Variants in PCCA observed in about 807,000 individuals in gnomAD.
The protein encoded by PCCA is propionyl-CoA carboxylase subunit alpha, also known as propionyl-CoA carboxylase alpha chain, mitochondrial.
A neutral mutation model predicts 101.3 loss-of-function variants in PCCA; 74 were observed. The observed-to-expected ratio is 0.73, with a 90% confidence interval of 0.61 to 0.89. The LOEUF (loss-of-function observed/expected upper bound fraction) is 0.89. Among genes scored for constraint, PCCA ranks in the 40% least tolerant of loss-of-function variants. The pLI is 0.00. For synonymous variants in PCCA, 294 were observed against 313.6 expected (o/e 0.94, Z 0.66); for missense variants, 891 against 907.0 (o/e 0.98, Z 0.23).
intron 11 of PCCA, 131 bp downstream of exon 11, chr13:100,268,914 A>G (rs575801606): frequency 3.5e-5 from 26 of 744,062 alleles, no homozygotes; most frequent in South Asian, 1.3e-4. Flanking sequence ...CAGTGGTGCA[A>G]TCACGGCTCA....
Position 100,361,765 on chromosome 13 carries a change from A to G in PCCA, c.1644-6707A>G, listed in dbSNP as rs2074629647. ...AGACTGACAATGCCAAATGGTGGCAAGGATGTAGAGTAACTCATTGCAGTG... is the reference window on the plus strand; with the variant it reads ...AGACTGACAATGCCAAATGGTGGCAGGGATGTAGAGTAACTCATTGCAGTG... On this transcript the variant is annotated intron_variant, in intron 18 of 23. Coordinates refer to ENST00000376285, the MANE Select transcript of PCCA (RefSeq NM_000282.4). Among the ~76,000 whole-genome samples, 7 of 152,326 alleles carry G rather than the reference A, an allele frequency of 4.6e-5. No individual in the cohort carries two copies. In the South Asian group the frequency reaches 1.5e-3, roughly 32 times the overall value.
In PCCA at chr13:100,372,963, C is replaced by T. The variant is rs372935958; in HGVS notation, c.1746+4389C>T. Among the ~76,000 whole-genome samples the T allele has an allele frequency of 2.2e-3, 331 of 152,184 alleles. 1 individual carries two copies. Among genetic ancestry groups the T allele is most frequent in the African/African-American group, 7.3e-3 (305 of 41,502 alleles). ...TTCACCATGTTGGCCAGGCTGGTCT[C>T]GAACTCCTGACTTCAGGTGATCCAC... On this transcript the variant is annotated intron_variant, in intron 19 of 23. Coordinates refer to ENST00000376285, the MANE Select transcript of PCCA (RefSeq NM_000282.4).
At chr13:100,384,275 T>G (rs1021841560) in intron 19 of PCCA, among the ~76,000 whole-genome samples, 5 of 152,192 alleles carry the variant, frequency 3.3e-5, no homozygotes, top group African/African-American at 1.2e-4. Context: ...ATCTGCCCGC[T>G]TCAGCCTCCC....
chr13:100,248,967 T>C (rs1318865859), intron 8 of PCCA, among the ~76,000 whole-genome samples: 1 of 152,108 alleles, frequency 6.6e-6, no homozygotes, highest in African/African-American at 2.4e-5. Context: ...TTGGCCAGGC[T>C]GGTCTCGAAC....
At chr13:100,470,094 C>T (rs1052309771) in intron 21 of PCCA, among the ~76,000 whole-genome samples, 4 of 152,186 alleles carry the variant, frequency 2.6e-5, no homozygotes, top group Non-Finnish European at 5.9e-5. Context: ...GTTTCCACCT[C>T]TCAGTGGCCC....
intron 6 of PCCA, among the ~76,000 whole-genome samples, chr13:100,191,771 TC>T (rs2057760939): frequency 6.6e-6 from 1 of 152,222 alleles, no homozygotes; most frequent in Non-Finnish European, 1.5e-5. Context: ...CCCAAGGAAG[TC>T]ACGCTGGCTG....
chr13:100,271,341 C>T lies in PCCA; in HGVS notation c.915-1855C>T, dbSNP rs544222426. Among the ~76,000 whole-genome samples the T allele has an allele frequency of 6.8e-4, 103 of 151,944 alleles. 1 individual carries two copies. The highest frequency in any genetic ancestry group is 2.3e-3 in the African/African-American group (95 of 41,448). On this transcript the variant is annotated intron_variant, in intron 11 of 23. Transcript: ENST00000376285. ...ACCCATTGATTTATTGTAACTTCAC[C>T]AAAAGGGAGACAGTAGGAAGTACAC...
chr13:100,181,770 CTTTTTTTTTTT>C (rs11329867), intron 6 of PCCA, among the ~76,000 whole-genome samples: 1 of 130,454 alleles, frequency 7.7e-6, no homozygotes, highest in East Asian at 2.2e-4. Context: ...TTCTTTTTTT[CTTTTTTTTTTT>C]TTGAGATGGA....
chr13:100,309,383 C>A (rs758823792), intron 15 of PCCA, among the ~76,000 whole-genome samples: 1 of 152,106 alleles, frequency 6.6e-6, no homozygotes, highest in East Asian at 1.9e-4. Context: ...GGCAATAGAG[C>A]GAGACTCCAT....
intron 4 of PCCA, among the ~76,000 whole-genome samples, chr13:100,118,860 T>C (rs767422438): frequency 3.4e-5 from 5 of 147,506 alleles, no homozygotes; most frequent in Non-Finnish European, 1.5e-5. Context: ...AGTAATGTTA[T>C]TTTTTTTAAT....
intron 19 of PCCA, among the ~76,000 whole-genome samples, chr13:100,376,780 C>T (rs1250254641): frequency 6.6e-6 from 1 of 152,170 alleles, no homozygotes; most frequent in Non-Finnish European, 1.5e-5. Context: ...CCACTTGGCT[C>T]CTTGGCTTCA....
At chr13:100,333,082 C>A (rs1338356173) in intron 17 of PCCA, among the ~76,000 whole-genome samples, 1 of 152,178 alleles carries the variant, frequency 6.6e-6, no homozygotes, top group African/African-American at 2.4e-5. Context: ...GAAACACACT[C>A]CTATATTTGC....
At chr13:100,111,966 A>G (rs368824363) in intron 3 of PCCA, 27 bp from the exon 4 acceptor site, 1 of 1,573,998 alleles carries the variant, frequency 6.4e-7, no homozygotes, top group Non-Finnish European at 8.7e-7. Context: ...AATCACTATT[A>G]ATAGACATTA....
chr13:100,414,200 C>G (rs2078218459), intron 19 of PCCA, among the ~76,000 whole-genome samples: 1 of 151,976 alleles, frequency 6.6e-6, no homozygotes, highest in African/African-American at 2.4e-5. Flanking sequence ...ATGTGTAATT[C>G]CTCTTGATGT....
chr13:100,176,923 C>G (rs2056293678), intron 6 of PCCA, among the ~76,000 whole-genome samples: 1 of 152,114 alleles, frequency 6.6e-6, no homozygotes, highest in South Asian at 2.1e-4. Context: ...TAGATGACTA[C>G]TTGAAACTGT....
chr13:100,502,999 T>C (rs1221157582), intron 21 of PCCA, among the ~76,000 whole-genome samples: 1 of 152,182 alleles, frequency 6.6e-6, no homozygotes, highest in Non-Finnish European at 1.5e-5. Context: ...CTGGACCTTC[T>C]GATTCCTGGG....
chr13:100,495,678 T>G (rs1319470381), intron 21 of PCCA, among the ~76,000 whole-genome samples: 1 of 152,234 alleles, frequency 6.6e-6, no homozygotes, highest in Non-Finnish European at 1.5e-5. Flanking sequence ...AACTTCCAAT[T>G]ATCACTCTGT....
intron 6 of PCCA, among the ~76,000 whole-genome samples, chr13:100,200,700 T>C (rs2058427484): frequency 6.6e-6 from 1 of 150,796 alleles, no homozygotes. Context: ...TTAAATATAA[T>C]GCCAACCCTA....
intron 7 of PCCA, among the ~76,000 whole-genome samples, chr13:100,210,872 A>G (rs1307299768): frequency 6.6e-6 from 1 of 152,204 alleles, no homozygotes; most frequent in Non-Finnish European, 1.5e-5. Context: ...CTTCTTGCCC[A>G]TATTTACCTG....
Sources: gnomAD v4.1 joint callset for allele counts (sites outside exome capture counted in the v4.1 genomes callset) on GRCh38, gnomAD v4.1.1 for gene constraint, MANE v1.5 for transcripts, NCBI Gene and HGNC (gene_info 2026-07-23, HGNC 2026-07-21) for gene names.